The following DOK6 variants were observed in gnomAD, a reference collection of about 807,000 sequenced individuals.
The protein encoded by DOK6 is downstream of tyrosine kinase 6.
A neutral mutation model predicts 44.0 loss-of-function variants in DOK6; 22 were observed. That is an observed-to-expected ratio of 0.50 (90% CI 0.36 to 0.71). The LOEUF (loss-of-function observed/expected upper bound fraction) is 0.71. Among genes scored for constraint, DOK6 ranks in the 30% least tolerant of loss-of-function variants. DOK6 has a pLI of 0.00. For synonymous variants in DOK6, 166 were observed against 145.5 expected (o/e 1.14, Z -1.01); for missense variants, 340 against 416.4 (o/e 0.82, Z 1.60).
chr18:69,698,357 TCACACC>T (rs1986436358), intron 4 of DOK6, 41 bp from the exon 5 acceptor site: 7 of 1,539,504 alleles, frequency 4.5e-6, no homozygotes. Context: ...CCATAGACAC[TCACACC>T]TCTTTTCACT....
chr18:69,517,688 T>C (rs1447801107), intron 1 of DOK6, among the ~76,000 whole-genome samples: 4 of 152,252 alleles, frequency 2.6e-5, no homozygotes, highest in African/African-American at 9.6e-5. Flanking sequence ...TGCCTTTGAA[T>C]TGTATACAAT....
chr18:69,752,480 G>A (rs981503733), intron 6 of DOK6, among the ~76,000 whole-genome samples: 1 of 152,144 alleles, frequency 6.6e-6, no homozygotes, highest in Non-Finnish European at 1.5e-5. Flanking sequence ...GCAGAAATAA[G>A]TTAATGCCTT....
chr18:69,639,717 A>G (rs1263830329), intron 3 of DOK6, among the ~76,000 whole-genome samples: 1 of 152,226 alleles, frequency 6.6e-6, no homozygotes, highest in Non-Finnish European at 1.5e-5. Flanking sequence ...GGAAAGAAGA[A>G]AGAGTGGGGA....
At chr18:69,508,006 T>C (rs1000089437) in intron 1 of DOK6, among the ~76,000 whole-genome samples, 1 of 152,226 alleles carries the variant, frequency 6.6e-6, no homozygotes, top group Non-Finnish European at 1.5e-5. Flanking sequence ...TATAGGTTTT[T>C]TATAGAGGCT....
chr18:69,603,117 T>G (rs900432957), intron 3 of DOK6, among the ~76,000 whole-genome samples: 33 of 152,248 alleles, frequency 2.2e-4, no homozygotes, highest in African/African-American at 8.0e-4. Flanking sequence ...GCCTACCACA[T>G]GTTCTTTTAG....
At chr18:69,620,823 C>G (rs8085495) in intron 3 of DOK6, among the ~76,000 whole-genome samples, 38 of 152,290 alleles carry the variant, frequency 2.5e-4, no homozygotes, top group African/African-American at 8.4e-4. Context: ...TGTGTACTTT[C>G]CTAGTCAGGT....
intron 1 of DOK6, among the ~76,000 whole-genome samples, chr18:69,471,248 C>T (rs147265679): frequency 0.025 from 888 of 34,930 alleles, 18 homozygotes; most frequent in African/African-American, 0.079. Flanking sequence ...AAAACTCCAT[C>T]TCAAAAAAAA....
intron 7 of DOK6, among the ~76,000 whole-genome samples, chr18:69,814,107 G>T (rs1328600840): frequency 6.6e-6 from 1 of 151,890 alleles, no homozygotes; most frequent in East Asian, 1.9e-4. Flanking sequence ...GAGTAGGGAT[G>T]GGAGAGACAC....
chr18:69,448,656 G>C (rs1474804495), intron 1 of DOK6, among the ~76,000 whole-genome samples: 1 of 152,182 alleles, frequency 6.6e-6, no homozygotes. Context: ...TTACAGGTGT[G>C]AGCCACCGTG....
At chr18:69,677,362 ATG>A (rs1299129526) in intron 3 of DOK6, among the ~76,000 whole-genome samples, 11 of 95,328 alleles carry the variant, frequency 1.2e-4, no homozygotes, top group African/African-American at 2.3e-4. Flanking sequence ...TATATTATAT[ATG>A]TGTGTGTATA....
In DOK6 at chr18:69,640,623, GA is replaced by G. The variant is rs1159917432; in HGVS notation, c.290-37109del. 3.3e-5 allele frequency among the ~76,000 whole-genome samples: 5 copies of G among 152,300 alleles called. No individual in the cohort carries two copies. In the East Asian group the frequency reaches 9.7e-4, roughly 29 times the overall value. On this transcript the variant is annotated intron_variant, in intron 3 of 7. Transcript: ENST00000382713. ...GGGGGCACAGAGAGACAGGGACTGA[GA>G]AGAGTAAGGGACAGGGCAGTTGGAT...
At chr18:69,625,910 T>C (rs1264450378) in intron 3 of DOK6, among the ~76,000 whole-genome samples, 1 of 152,220 alleles carries the variant, frequency 6.6e-6, no homozygotes, top group African/African-American at 2.4e-5. Flanking sequence ...GAGTCTGTGT[T>C]TTCATGAGTA....
intron 3 of DOK6, among the ~76,000 whole-genome samples, chr18:69,632,317 A>G (rs893886528): frequency 6.6e-6 from 1 of 152,156 alleles, no homozygotes; most frequent in African/African-American, 2.4e-5. Flanking sequence ...GAACAGTTTC[A>G]TGCATTTTCT....
At chr18:69,666,120 A>G (rs1197894228) in intron 3 of DOK6, among the ~76,000 whole-genome samples, 1 of 152,092 alleles carries the variant, frequency 6.6e-6, no homozygotes, top group Non-Finnish European at 1.5e-5. Flanking sequence ...AATACACTCT[A>G]TCTCCTTTTG....
intron 7 of DOK6, among the ~76,000 whole-genome samples, chr18:69,795,699 T>G (rs1980724643): frequency 6.6e-6 from 1 of 152,192 alleles, no homozygotes; most frequent in Non-Finnish European, 1.5e-5. Flanking sequence ...TGATACACAC[T>G]GATTGATTTA....
At chr18:69,620,359 A>T (rs998157327) in intron 3 of DOK6, among the ~76,000 whole-genome samples, 1 of 152,206 alleles carries the variant, frequency 6.6e-6, no homozygotes, top group Admixed American at 6.5e-5. Context: ...ATCATTTCAC[A>T]ATTACACAAG....
chr18:69,633,300 T>C (rs1015389804), intron 3 of DOK6, among the ~76,000 whole-genome samples: 5 of 152,106 alleles, frequency 3.3e-5, no homozygotes, highest in African/African-American at 1.2e-4. Context: ...AATGAGAAAA[T>C]CATGGTAAGA....
chr18:69,825,357 A>G (rs1191372225), intron 7 of DOK6, among the ~76,000 whole-genome samples: 3 of 151,556 alleles, frequency 2.0e-5, no homozygotes, highest in Non-Finnish European at 4.4e-5. Flanking sequence ...TAGGAACATT[A>G]GCCAACCCAT....
At chr18:69,804,409 T>C (rs1256461754) in intron 7 of DOK6, among the ~76,000 whole-genome samples, 2 of 152,192 alleles carry the variant, frequency 1.3e-5, no homozygotes, top group African/African-American at 4.8e-5. Flanking sequence ...CAATTTACTA[T>C]GTGATGACAG....
Sources: gnomAD v4.1 joint callset for allele counts (sites outside exome capture counted in the v4.1 genomes callset) on GRCh38, gnomAD v4.1.1 for gene constraint, MANE v1.5 for transcripts, NCBI Gene and HGNC (gene_info 2026-07-23, HGNC 2026-07-21) for gene names.